Variants in XKRX observed in about 807,000 individuals in gnomAD.
The protein encoded by XKRX is XK-related protein 2.
XKRX carries 11 observed loss-of-function variants against 22.4 expected under a neutral mutation model. The observed-to-expected ratio is 0.49, with a 90% CI of 0.31 to 0.81. XKRX has a LOEUF of 0.81. Among genes scored for constraint, XKRX ranks in the 40% least tolerant of loss-of-function variants. The pLI is 0.05. For synonymous variants in XKRX, 114 were observed against 132.2 expected (o/e 0.86, Z 0.94); for missense variants, 320 against 336.5 (o/e 0.95, Z 0.38).
At chrX:100,894,542 C>G in the XKRX span, among the ~76,000 whole-genome samples, 1 of 111,226 alleles carries the variant, frequency 9.0e-6, no homozygotes, top group East Asian at 2.8e-4. Context: ...GGGGCTCAAG[C>G]GATGGCAGGG....
At chrX:100,958,568 C>G in the XKRX span, among the ~76,000 whole-genome samples, 1 of 111,817 alleles carries the variant, frequency 8.9e-6, no homozygotes, top group South Asian at 3.7e-4. Flanking sequence ...TGGTATACCA[C>G]AAGGTCACTC....
At chrX:100,934,344 G>GGGCAGGCT (rs1458506964), upstream of XKRX, among the ~76,000 whole-genome samples, 36 of 111,636 alleles carry the variant, frequency 3.2e-4, no homozygotes, top group African/African-American at 1.0e-3. Context: ...CTGAAACTTG[G>GGGCAGGCT]GGCAGGCTGG....
chrX:100,907,160 C>T, the XKRX span, among the ~76,000 whole-genome samples: 1 of 111,469 alleles, frequency 9.0e-6, no homozygotes, highest in Admixed American at 9.6e-5. Flanking sequence ...TCATCTTAGA[C>T]ATTTTATTCT....
chrX:100,938,075 G>A, the XKRX span, among the ~76,000 whole-genome samples: 1 of 111,780 alleles, frequency 8.9e-6, no homozygotes, highest in South Asian at 3.8e-4. Flanking sequence ...AAAGGACTTT[G>A]GTTTTAATTT....
the XKRX span, among the ~76,000 whole-genome samples, chrX:100,954,801 G>T: frequency 3.6e-5 from 4 of 112,318 alleles, no homozygotes; most frequent in African/African-American, 1.3e-4. Context: ...AGTGAAAAGT[G>T]CCTGTCACAA....
chrX:100,916,123 T>C (rs907345226), intron 2 of XKRX, among the ~76,000 whole-genome samples: 2 of 107,512 alleles, frequency 1.9e-5, no homozygotes, highest in African/African-American at 6.8e-5. Context: ...ACAAAAATGA[T>C]AACTATGTGA....
chrX:100,887,522 T>G, the XKRX span: 1 of 451,851 alleles, frequency 2.2e-6, no homozygotes, highest in African/African-American at 2.4e-5. Context: ...GTCTTCTTTG[T>G]AGCAGCTAGG....
At chrX:100,910,585 TAAAAA>T (rs36011977), downstream of XKRX, 1 of 153,422 alleles carries the variant, frequency 6.5e-6, no homozygotes. Flanking sequence ...AATTCCGTCT[TAAAAA>T]AAAAAAAAAA....
chrX:100,917,674 AAAAGAAAG>A (rs1556193930), intron 2 of XKRX, among the ~76,000 whole-genome samples: 179 of 25,416 alleles, frequency 7.0e-3, no homozygotes, highest in African/African-American at 0.024. Flanking sequence ...AGAAAGAAAG[AAAAGAAAG>A]AAAGAAAGAA....
At chrX:100,936,462 AC>A in the XKRX span, among the ~76,000 whole-genome samples, 71 of 100,229 alleles carry the variant, frequency 7.1e-4, no homozygotes, top group South Asian at 4.5e-3. Context: ...AATCGATTGA[AC>A]CCAGGAGGCA....
intron 2 of XKRX, among the ~76,000 whole-genome samples, chrX:100,915,467 T>C (rs1461361842): frequency 9.0e-6 from 1 of 110,640 alleles, no homozygotes; most frequent in Admixed American, 9.7e-5. Context: ...GACACAGCCA[T>C]TATGGAAAAC....
At chrX:100,886,924 T>C in the XKRX span, among the ~76,000 whole-genome samples, 1 of 112,277 alleles carries the variant, frequency 8.9e-6, no homozygotes, top group South Asian at 3.7e-4. Context: ...TGTCATTTCA[T>C]TCAAGAGAAT....
At chrX:100,925,496 T>C (rs1193248437) in intron 1 of XKRX, among the ~76,000 whole-genome samples, 1 of 111,941 alleles carries the variant, frequency 8.9e-6, no homozygotes, top group Non-Finnish European at 1.9e-5. Context: ...CAATCATTTC[T>C]AGTGGAAGCT....
chrX:100,917,212 G>C (rs373605437), intron 2 of XKRX, among the ~76,000 whole-genome samples: 1 of 111,412 alleles, frequency 9.0e-6, no homozygotes, highest in Non-Finnish European at 1.9e-5. Flanking sequence ...TTGAACCCAC[G>C]AGGCAGAGGT....
the XKRX span, among the ~76,000 whole-genome samples, chrX:100,944,670 AC>A: frequency 1.8e-5 from 2 of 112,150 alleles, no homozygotes; most frequent in African/African-American, 6.5e-5. Flanking sequence ...GCCAAATAAA[AC>A]TTTTTGAATG....
the XKRX span, among the ~76,000 whole-genome samples, chrX:100,948,503 TG>T: frequency 7.4e-4 from 83 of 111,743 alleles, no homozygotes; most frequent in African/African-American, 2.6e-3. Flanking sequence ...AAATCCCAGA[TG>T]GGGCGCTGGA....
chrX:100,910,738 C>T, downstream of XKRX: 1 of 700,854 alleles, frequency 1.4e-6, no homozygotes, highest in East Asian at 3.3e-5. Context: ...TATTGAATTA[C>T]ACTGTAAACG....
chrX:100,929,062 G>T (rs1020513691), upstream of XKRX: 3 of 115,300 alleles, frequency 2.6e-5, no homozygotes, highest in Non-Finnish European at 5.3e-5. Context: ...CGCTCTACAG[G>T]ATGAAGAAAA....
At chrX:100,899,379 A>G in the XKRX span, among the ~76,000 whole-genome samples, 2 of 112,161 alleles carry the variant, frequency 1.8e-5, no homozygotes, top group Admixed American at 9.4e-5. Flanking sequence ...GCTGGGTGTC[A>G]TGGCACTGGC....
Sources: gnomAD v4.1 joint callset for allele counts (sites outside exome capture counted in the v4.1 genomes callset) on GRCh38, gnomAD v4.1.1 for gene constraint, MANE v1.5 for transcripts, NCBI Gene and HGNC (gene_info 2026-07-23, HGNC 2026-07-21) for gene names.